The following TTC7B variants were observed in gnomAD, a reference collection of about 807,000 sequenced individuals.
TTC7B encodes the protein tetratricopeptide repeat domain 7B, also known as tetratricopeptide repeat protein 7B.
Under a neutral mutation model 106.8 loss-of-function variants are expected in TTC7B, and 28 were observed. The ratio of observed to expected loss-of-function variants is 0.26; its 90% confidence interval spans 0.19 to 0.36. The LOEUF (loss-of-function observed/expected upper bound fraction) is 0.36. TTC7B is among the 10% of genes least tolerant of loss of function. The pLI is 1.00. For missense variants in TTC7B, 862 were observed against 1,076.4 expected, an observed-to-expected ratio of 0.80 and a Z score of 2.79; for synonymous variants, 405 against 430.6, an observed-to-expected ratio of 0.94 and a Z score of 0.74.
intron 8 of TTC7B, among the ~76,000 whole-genome samples, chr14:90,677,471 C>A (rs1886885756): frequency 6.6e-6 from 1 of 152,208 alleles, no homozygotes; most frequent in South Asian, 2.1e-4. Flanking sequence ...ACAGATTCCT[C>A]CAAATATATC....
intron 5 of TTC7B, among the ~76,000 whole-genome samples, chr14:90,714,073 C>T (rs1399575497): frequency 6.6e-6 from 1 of 151,992 alleles, no homozygotes; most frequent in Non-Finnish European, 1.5e-5. Flanking sequence ...ATTAAAAACA[C>T]AAAAAAATTA....
chr14:90,797,838 T>TA (rs2029975775), intron 1 of TTC7B, among the ~76,000 whole-genome samples: 1 of 152,152 alleles, frequency 6.6e-6, no homozygotes, highest in Non-Finnish European at 1.5e-5. Context: ...CTTGACAGGA[T>TA]ACCTGTTAAC....
Position 90,744,794 on chromosome 14 carries a change from T to C in TTC7B, c.574A>G (p.Arg192Gly). The C allele has an allele frequency of 6.2e-7, 1 of 1,613,100 alleles. No individual in the cohort carries two copies. Among genetic ancestry groups the C allele is most frequent in the African/African-American group, 1.3e-5 (1 of 74,986 alleles). ...ACAAACACGTGGTCCTCACTTACCCTTTCTATCTCTTGGAGATACAGGAGT... is the reference window on the plus strand; with the variant it reads ...ACAAACACGTGGTCCTCACTTACCCCTTCTATCTCTTGGAGATACAGGAGT... ...IALLYLQEIE[R>G]VILSNIQNRS... Residue 192 changes from arginine (R) to glycine (G), a missense_variant and splice_region_variant, in exon 4 of 20, where the codon AGG becomes GGG. Coordinates refer to ENST00000328459, the MANE Select transcript of TTC7B (RefSeq NM_001010854.2).
At chr14:90,590,793 C>G (rs1891922213) in intron 18 of TTC7B, among the ~76,000 whole-genome samples, 1 of 152,192 alleles carries the variant, frequency 6.6e-6, no homozygotes, top group Non-Finnish European at 1.5e-5. Flanking sequence ...TGCTTTGAAA[C>G]AGTCGATATG....
intron 5 of TTC7B, among the ~76,000 whole-genome samples, chr14:90,704,816 G>A (rs576515962): frequency 6.6e-6 from 1 of 152,348 alleles, no homozygotes; most frequent in Admixed American, 6.5e-5. Context: ...GCTCTGACCA[G>A]AAGTCAACCC....
At chr14:90,658,589 C>T (rs983249252) in intron 9 of TTC7B, among the ~76,000 whole-genome samples, 7 of 152,222 alleles carry the variant, frequency 4.6e-5, no homozygotes, top group African/African-American at 1.7e-4. Context: ...CCAGGACAAC[C>T]TACAACTGAC....
intron 9 of TTC7B, among the ~76,000 whole-genome samples, chr14:90,660,395 CAAAAAAAAAAAAA>C (rs57030874): frequency 7.3e-5 from 3 of 40,892 alleles, no homozygotes; most frequent in Admixed American, 4.0e-4. Flanking sequence ...CACCCTGTCT[CAAAAAAAAAAAAA>C]AAAAAAAAAA....
At chr14:90,692,666 T>C (rs1337121312) in intron 6 of TTC7B, among the ~76,000 whole-genome samples, 3 of 152,188 alleles carry the variant, frequency 2.0e-5, no homozygotes, top group Admixed American at 6.5e-5. Flanking sequence ...GTTACTTTCA[T>C]TGTGCTTCCA....
At chr14:90,687,048 C>T (rs1466154999) in intron 7 of TTC7B, among the ~76,000 whole-genome samples, 1 of 149,032 alleles carries the variant, frequency 6.7e-6, no homozygotes, top group Non-Finnish European at 1.5e-5. Context: ...AATGCAAGGG[C>T]TTGGGAGACA....
At chr14:90,576,045 G>A (rs998530265) in intron 19 of TTC7B, among the ~76,000 whole-genome samples, 9 of 151,978 alleles carry the variant, frequency 5.9e-5, no homozygotes, top group Non-Finnish European at 1.0e-4. Context: ...GAAAGTGCCT[G>A]GCATGTGTCA....
At chr14:90,619,940 T>C (rs1461159104) in intron 15 of TTC7B, among the ~76,000 whole-genome samples, 4 of 152,206 alleles carry the variant, frequency 2.6e-5, no homozygotes, top group Non-Finnish European at 5.9e-5. Context: ...TCACCCTGCA[T>C]GATGTGATGT....
In TTC7B at chr14:90,657,667, G is replaced by A. The variant is rs779890987; in HGVS notation, c.1237-389C>T. Among the ~76,000 whole-genome samples, 3 of 152,188 alleles carry A rather than the reference G, an allele frequency of 2.0e-5. No homozygotes were observed. Among genetic ancestry groups the A allele is most frequent in the African/African-American group, 4.8e-5 (2 of 41,436 alleles). ...TAATCTTCCATCTCAGGCTTCATTC[G>A]CTAAATGGCCCAAATTAGCAAGAAA... On this transcript the variant is annotated intron_variant, in intron 10 of 19. Coordinates refer to ENST00000328459, the MANE Select transcript of TTC7B (RefSeq NM_001010854.2). This position sits in a 1 kb window ranked among gnomAD's most constrained non-coding sequence, Gnocchi z 4.2.
chr14:90,674,839 A>C (rs926167095), intron 9 of TTC7B, among the ~76,000 whole-genome samples: 6 of 152,300 alleles, frequency 3.9e-5, no homozygotes, highest in Admixed American at 6.5e-5. Flanking sequence ...TTGGCACTGC[A>C]CCACCTTTTG....
At chr14:90,590,389 G>A (rs1891905302) in intron 18 of TTC7B, among the ~76,000 whole-genome samples, 1 of 152,066 alleles carries the variant, frequency 6.6e-6, no homozygotes, top group Non-Finnish European at 1.5e-5. Flanking sequence ...CTCAAATCTG[G>A]GTCCACCTCC....
intron 5 of TTC7B, among the ~76,000 whole-genome samples, chr14:90,700,804 T>C (rs1291412660): frequency 6.7e-6 from 1 of 148,754 alleles, no homozygotes; most frequent in Admixed American, 6.7e-5. Context: ...GTCCATCACT[T>C]TTAGTTCTCA....
chr14:90,621,111 G>T (rs1295598362), intron 15 of TTC7B, among the ~76,000 whole-genome samples: 1 of 149,082 alleles, frequency 6.7e-6, no homozygotes, highest in Non-Finnish European at 1.5e-5. Context: ...GGTTTGGCTG[G>T]GATGATGGGC....
At chr14:90,771,940 G>A (rs1210001977) in intron 3 of TTC7B, among the ~76,000 whole-genome samples, 1 of 142,908 alleles carries the variant, frequency 7.0e-6, no homozygotes, top group Non-Finnish European at 1.5e-5. Context: ...ATATTTATAT[G>A]TATAAATTTT....
intron 5 of TTC7B, among the ~76,000 whole-genome samples, chr14:90,696,689 C>T (rs1354817890): frequency 6.6e-6 from 1 of 152,166 alleles, no homozygotes; most frequent in Non-Finnish European, 1.5e-5. Flanking sequence ...GGCCCCAGAA[C>T]TTTAAGATAA....
intron 18 of TTC7B, among the ~76,000 whole-genome samples, chr14:90,588,518 G>A (rs980332367): frequency 1.6e-4 from 25 of 152,166 alleles, no homozygotes; most frequent in Admixed American, 6.5e-4. Context: ...GTGGACATGC[G>A]AATTTCCAAT....
Sources: allele counts gnomAD v4.1 joint callset (sites outside exome capture counted in the v4.1 genomes callset), GRCh38; gene constraint gnomAD v4.1.1; non-coding constraint Gnocchi (gnomAD v3.1); transcripts MANE v1.5; gene names NCBI Gene and HGNC (gene_info 2026-07-23, HGNC 2026-07-21).